The following MBNL2 variants were observed in gnomAD, a reference collection of about 807,000 sequenced individuals.
MBNL2 encodes muscleblind like splicing regulator 2.
In MBNL2, 17 loss-of-function variants were observed where a neutral mutation model predicts 41.9. The observed-to-expected ratio is 0.41, with a 90% CI of 0.28 to 0.61. The LOEUF (loss-of-function observed/expected upper bound fraction) is 0.61, where lower values mean the gene tolerates loss of function less well. MBNL2 is among the 20% of genes least tolerant of loss of function. The pLI is 0.35. For missense variants in MBNL2, 336 were observed against 505.6 expected, an observed-to-expected ratio of 0.66 and a Z score of 3.22; for synonymous variants, 195 against 182.9, an observed-to-expected ratio of 1.07 and a Z score of -0.53.
At position 97,287,582 on chromosome 13, in the gene MBNL2, G is replaced by T. The variant is rs145795928; in HGVS notation, c.174+11173G>T. 5.3e-3 allele frequency among the ~76,000 whole-genome samples: 799 copies of T among 152,128 alleles called. 10 individuals carry two copies. Among genetic ancestry groups the T allele is most frequent in the African/African-American group, 0.018 (762 of 41,502 alleles). On this transcript the variant is annotated intron_variant, in intron 2 of 8. Transcript: ENST00000679496. ...TTGTTAAGTACAGTCATCCTATGGTGATATAGAACACTAGAACTTATTCCC... is the reference window on the plus strand; with the variant it reads ...TTGTTAAGTACAGTCATCCTATGGTTATATAGAACACTAGAACTTATTCCC...
chr13:97,149,921 G>A, the MBNL2 span, among the ~76,000 whole-genome samples: 1 of 152,180 alleles, frequency 6.6e-6, no homozygotes, highest in African/African-American at 2.4e-5. Flanking sequence ...GAAATCCATT[G>A]AATGATTGGC....
chr13:97,332,904 T>A (rs1042375651), intron 2 of MBNL2, among the ~76,000 whole-genome samples: 18 of 152,182 alleles, frequency 1.2e-4, no homozygotes, highest in African/African-American at 4.3e-4. Flanking sequence ...TAACAGTAGA[T>A]CCTCAGGACA....
At chr13:97,222,766 A>G (rs76688741) in intron 1 of MBNL2, among the ~76,000 whole-genome samples, 8,961 of 152,280 alleles carry the variant, frequency 0.059, 310 homozygotes, top group African/African-American at 0.071. Flanking sequence ...TATGCAAAGA[A>G]TCGATTCATT....
the MBNL2 span, among the ~76,000 whole-genome samples, chr13:97,179,983 T>C: frequency 6.6e-6 from 1 of 152,238 alleles, no homozygotes; most frequent in African/African-American, 2.4e-5. Flanking sequence ...GAACAATTTC[T>C]GACCAGATTT....
intron 2 of MBNL2, among the ~76,000 whole-genome samples, chr13:97,314,881 G>C (rs2058903356): frequency 6.6e-6 from 1 of 152,148 alleles, no homozygotes; most frequent in South Asian, 2.1e-4. Context: ...CTTAGGTCAA[G>C]CTGTTCAACT....
upstream of MBNL2, chr13:97,222,175 A>G: frequency 2.7e-6 from 1 of 372,210 alleles, no homozygotes; most frequent in Non-Finnish European, 4.8e-6. Flanking sequence ...GTATGGATGC[A>G]CTGTTTTTAC....
upstream of MBNL2, among the ~76,000 whole-genome samples, chr13:97,220,929 T>C (rs1007627978): frequency 1.3e-5 from 2 of 152,204 alleles, no homozygotes; most frequent in Non-Finnish European, 2.9e-5. Flanking sequence ...ACAGAACTAA[T>C]TTAAATTTCC....
intron 1 of MBNL2, among the ~76,000 whole-genome samples, chr13:97,235,941 C>G (rs1488136813): frequency 2.0e-5 from 3 of 151,960 alleles, no homozygotes; most frequent in Non-Finnish European, 4.4e-5. Flanking sequence ...AACATGTTAC[C>G]GTTAAATAAT....
intron 2 of MBNL2, among the ~76,000 whole-genome samples, chr13:97,322,598 G>A (rs952909863): frequency 2.0e-5 from 3 of 152,240 alleles, no homozygotes; most frequent in East Asian, 1.9e-4. Flanking sequence ...ATCCAAAACC[G>A]CCTAAGAGGA....
At chr13:97,317,660 T>C (rs1251777673) in intron 2 of MBNL2, among the ~76,000 whole-genome samples, 1 of 152,212 alleles carries the variant, frequency 6.6e-6, no homozygotes, top group East Asian at 1.9e-4. Flanking sequence ...CAGAGGCTGT[T>C]AGTGGTGCCT....
the MBNL2 span, among the ~76,000 whole-genome samples, chr13:97,163,488 T>G: frequency 6.6e-6 from 1 of 152,104 alleles, no homozygotes; most frequent in Non-Finnish European, 1.5e-5. Context: ...TCTCCAAAAC[T>G]CTATGGGGTG....
At chr13:97,234,210 C>T (rs1408934330) in intron 1 of MBNL2, among the ~76,000 whole-genome samples, 1 of 152,202 alleles carries the variant, frequency 6.6e-6, no homozygotes, top group Non-Finnish European at 1.5e-5. Context: ...AACCTGCACT[C>T]TTCATCCTTG....
intron 2 of MBNL2, among the ~76,000 whole-genome samples, chr13:97,318,417 G>A (rs2059232654): frequency 1.3e-5 from 2 of 152,144 alleles, no homozygotes; most frequent in South Asian, 2.1e-4. Flanking sequence ...TTCTCTGTCT[G>A]TCAAATAGGG....
chr13:97,204,806 C>T, the MBNL2 span, among the ~76,000 whole-genome samples: 8 of 152,152 alleles, frequency 5.3e-5, no homozygotes, highest in South Asian at 1.2e-3. Flanking sequence ...AGGCCAGGTG[C>T]GGTGGCTCAG....
At position 97,232,851 on chromosome 13, in the gene MBNL2, A is replaced by ATGTGTGTGTG. The variant is rs34769353; in HGVS notation, c.-605+10351_-605+10360dup. 7.3e-3 allele frequency among the ~76,000 whole-genome samples: 950 copies of ATGTGTGTGTG among 130,556 alleles called. 13 individuals are homozygous for ATGTGTGTGTG. The highest frequency in any genetic ancestry group is 0.026 in the African/African-American group (874 of 33,088). The allele number at this position is 130,556 out of a possible 152,430, so 85.6% of individuals were successfully genotyped here. On this transcript the variant is annotated intron_variant, in intron 1 of 8. Transcript: ENST00000679496. ...CGGCCTTTTTCTTACTCTTGACGCT[A>ATGTGTGTGTG]TGTGTGTGTGTGTGTGTGTGTGTGT... is the stretch of plus-strand genomic sequence containing the variant.
rs919970654 is a variant in MBNL2 at position 97,346,466 on chromosome 13, T to C, written c.541-338T>C. ...GATGATAGATATATGGATGGATGGA[T>C]AGACAGACAGACAGATCGATAGACA... On this transcript the variant is annotated intron_variant, in intron 4 of 8. Transcript: ENST00000679496. The surrounding 1 kb of genome is among the most constrained non-coding windows in gnomAD (Gnocchi z 4.2). Among the ~76,000 whole-genome samples, 4 of 152,140 alleles carry C rather than the reference T, an allele frequency of 2.6e-5. No individual in the cohort carries two copies. The highest frequency in any genetic ancestry group is 9.7e-5 in the African/African-American group (4 of 41,426).
the MBNL2 span, among the ~76,000 whole-genome samples, chr13:97,166,819 GATA>G: frequency 6.6e-6 from 1 of 151,258 alleles, no homozygotes; most frequent in African/African-American, 2.4e-5. Flanking sequence ...TAGATAGATA[GATA>G]GATAGATAGA....
the MBNL2 span, among the ~76,000 whole-genome samples, chr13:97,183,956 G>A: frequency 6.6e-6 from 1 of 152,038 alleles, no homozygotes; most frequent in Admixed American, 6.6e-5. Context: ...ATCATGCTTT[G>A]GTCTAATCAT....
At chr13:97,270,771 G>A (rs77435095) in intron 1 of MBNL2, among the ~76,000 whole-genome samples, 13 of 152,122 alleles carry the variant, frequency 8.5e-5, no homozygotes, top group Middle Eastern at 3.4e-3. Context: ...TCTCAGTCCC[G>A]TCTCTTGATG....
Sources: gnomAD v4.1 joint callset for allele counts (sites outside exome capture counted in the v4.1 genomes callset) on GRCh38, gnomAD v4.1.1 for gene constraint, Gnocchi (gnomAD v3.1) non-coding constraint, MANE v1.5 for transcripts, NCBI Gene and HGNC (gene_info 2026-07-23, HGNC 2026-07-21) for gene names.